Variants in ZFHX3 observed in about 807,000 individuals in gnomAD.
ZFHX3 encodes the protein zinc finger homeobox 3.
In ZFHX3, 42 loss-of-function variants were observed where a neutral mutation model predicts 279.1. That is an observed-to-expected ratio of 0.15 (90% CI 0.12 to 0.19). ZFHX3 has a LOEUF of 0.19. Ranked by LOEUF, ZFHX3 falls within the 10% of genes least tolerant of loss-of-function variation. The probability of loss-of-function intolerance (pLI) is 1.00; values close to 1 mark genes in which losing one functional copy is unlikely to be tolerated. For synonymous variants in ZFHX3, 2,293 were observed against 1,957.8 expected (o/e 1.17, Z -4.52); for missense variants, 4,981 against 4,754.0 (o/e 1.05, Z -1.40).
At chr16:72,999,584 A>G (rs1963419291) in intron 1 of ZFHX3, among the ~76,000 whole-genome samples, 2 of 152,210 alleles carry the variant, frequency 1.3e-5, no homozygotes, top group Non-Finnish European at 2.9e-5. Flanking sequence ...CGCTAACCAG[A>G]AAACTTCGCA....
chr16:73,201,786 T>A (rs1387740028), intron 5 of ZFHX3, among the ~76,000 whole-genome samples: 1 of 152,252 alleles, frequency 6.6e-6, no homozygotes, highest in Non-Finnish European at 1.5e-5. Flanking sequence ...GAAATCTCCT[T>A]AAGAATAGTC....
intron 2 of ZFHX3, among the ~76,000 whole-genome samples, chr16:73,613,962 C>T (rs917364732): frequency 1.3e-5 from 2 of 152,192 alleles, no homozygotes; most frequent in Non-Finnish European, 2.9e-5. Flanking sequence ...TGCAGTTTTC[C>T]ATTAGAACTT....
intron 3 of ZFHX3, among the ~76,000 whole-genome samples, chr16:72,892,510 GTTT>G (rs34325397): frequency 5.6e-5 from 8 of 142,566 alleles, no homozygotes; most frequent in African/African-American, 1.5e-4. Context: ...TTATTTATTG[GTTT>G]TTTTTTTTTT....
chr16:73,666,261 T>C (rs1046108313), intron 2 of ZFHX3, among the ~76,000 whole-genome samples: 2 of 152,012 alleles, frequency 1.3e-5, no homozygotes, highest in African/African-American at 2.4e-5. Context: ...ATCACTCACA[T>C]AGCAGAGAAG....
In ZFHX3 at chr16:73,868,056, T is replaced by C. The variant is rs76394753; in HGVS notation, c.-1608+23595A>G. Among the ~76,000 whole-genome samples the C allele has an allele frequency of 1.1e-3, 169 of 152,326 alleles. No individual in the cohort carries two copies. In the East Asian group the frequency reaches 0.028, roughly 25 times the overall value. ...TTCTCCTGCCCCTCCCTAAACCTGG[T>C]CTTCTTGTCTCTGGTTGATGCTTTT... is the stretch of plus-strand genomic sequence containing the variant. On this transcript the variant is annotated intron_variant, in intron 1 of 17. Transcript: ENST00000641206.
intron 1 of ZFHX3, among the ~76,000 whole-genome samples, chr16:73,849,906 T>C (rs1201076010): frequency 6.6e-6 from 1 of 152,172 alleles, no homozygotes; most frequent in Non-Finnish European, 1.5e-5. Flanking sequence ...CTAATTTTTG[T>C]ATTTTTAGTA....
intron 2 of ZFHX3, among the ~76,000 whole-genome samples, chr16:73,479,647 A>C (rs987436640): frequency 4.6e-5 from 7 of 152,152 alleles, no homozygotes; most frequent in African/African-American, 1.7e-4. Context: ...TTTCTTCCTC[A>C]GTCTGTCATC....
At chr16:73,660,601 C>A (rs746350281) in intron 2 of ZFHX3, among the ~76,000 whole-genome samples, 12 of 152,166 alleles carry the variant, frequency 7.9e-5, no homozygotes, top group African/African-American at 2.9e-4. Flanking sequence ...ATGCAAGTTG[C>A]TGATCTGTTG....
At chr16:72,918,898 G>A (rs1297811727) in intron 3 of ZFHX3, among the ~76,000 whole-genome samples, 3 of 151,890 alleles carry the variant, frequency 2.0e-5, no homozygotes, top group Non-Finnish European at 4.4e-5. Context: ...GGGTTTCACT[G>A]TGTTAGCCAG....
At chr16:73,734,319 A>T (rs1482367820) in intron 1 of ZFHX3, among the ~76,000 whole-genome samples, 1 of 152,222 alleles carries the variant, frequency 6.6e-6, no homozygotes, top group Admixed American at 6.5e-5. Context: ...GCTACTCTTT[A>T]AAAATTATAT....
chr16:73,771,172 G>A (rs1013381746), intron 1 of ZFHX3, among the ~76,000 whole-genome samples: 5 of 152,180 alleles, frequency 3.3e-5, no homozygotes, highest in Non-Finnish European at 7.3e-5. Context: ...TTAGAAAACA[G>A]GCAAGGGGTG....
At chr16:72,886,724 A>G (rs2038631775) in intron 4 of ZFHX3, among the ~76,000 whole-genome samples, 1 of 152,200 alleles carries the variant, frequency 6.6e-6, no homozygotes, top group African/African-American at 2.4e-5. Flanking sequence ...TGGTAGAAAG[A>G]AGGAGAATCC....
intron 4 of ZFHX3, among the ~76,000 whole-genome samples, chr16:73,312,246 G>A (rs950200711): frequency 2.0e-5 from 3 of 152,172 alleles, no homozygotes; most frequent in Admixed American, 1.3e-4. Context: ...CTTAGGAGAG[G>A]TGTGAGAGCT....
chr16:72,864,336 G>A (rs2037961174), intron 4 of ZFHX3, among the ~76,000 whole-genome samples: 1 of 152,080 alleles, frequency 6.6e-6, no homozygotes, highest in Non-Finnish European at 1.5e-5. Flanking sequence ...AAGATACCTG[G>A]CACATGGGAA....
chr16:72,997,679 C>T (rs1297560402), intron 1 of ZFHX3, among the ~76,000 whole-genome samples: 2 of 152,220 alleles, frequency 1.3e-5, no homozygotes, highest in Non-Finnish European at 2.9e-5. Context: ...AGAATCATAA[C>T]CCACACATCT....
chr16:73,648,464 A>G (rs1403202362), intron 2 of ZFHX3, among the ~76,000 whole-genome samples: 1 of 152,226 alleles, frequency 6.6e-6, no homozygotes, highest in African/African-American at 2.4e-5. Context: ...GTCTCGGCTC[A>G]CTGCAACCTC....
At chr16:72,911,660 T>C (rs1386414823) in intron 3 of ZFHX3, among the ~76,000 whole-genome samples, 1 of 152,210 alleles carries the variant, frequency 6.6e-6, no homozygotes, top group African/African-American at 2.4e-5. Flanking sequence ...TATTTAAATT[T>C]AAATTAAGTT....
At chr16:72,901,188 C>T (rs2039025116) in intron 3 of ZFHX3, among the ~76,000 whole-genome samples, 1 of 152,198 alleles carries the variant, frequency 6.6e-6, no homozygotes, top group Admixed American at 6.5e-5. Flanking sequence ...CATGAGGCAT[C>T]ATTTTTTCCT....
At chr16:73,199,271 A>T (rs1194205142) in intron 5 of ZFHX3, among the ~76,000 whole-genome samples, 1 of 152,250 alleles carries the variant, frequency 6.6e-6, no homozygotes, top group East Asian at 1.9e-4. Context: ...TCCAGAGTAC[A>T]GAAAACCTGC....
Sources: gnomAD v4.1 joint callset for allele counts (sites outside exome capture counted in the v4.1 genomes callset) on GRCh38, gnomAD v4.1.1 for gene constraint, MANE v1.5 for transcripts, NCBI Gene and HGNC (gene_info 2026-07-23, HGNC 2026-07-21) for gene names.